PRKDC: variants seen among roughly 807,000 people sequenced by gnomAD.
PRKDC encodes protein kinase, DNA-activated, catalytic subunit, also known as DNA-dependent protein kinase catalytic subunit.
In PRKDC, 82 loss-of-function variants were observed where a neutral mutation model predicts 486.9. That is an observed-to-expected ratio of 0.17 (90% confidence interval 0.14 to 0.20). The LOEUF (loss-of-function observed/expected upper bound fraction) is 0.20. Ranked by LOEUF, PRKDC falls within the 10% of genes least tolerant of loss-of-function variation. The pLI is 1.00. For synonymous variants in PRKDC, 1,895 were observed against 1,837.0 expected (o/e 1.03, Z -0.81); for missense variants, 4,504 against 5,038.2 (o/e 0.89, Z 3.21).
At chr8:47,891,512 A>G (rs2089456031) in intron 31 of PRKDC, among the ~76,000 whole-genome samples, 1 of 152,108 alleles carries the variant, frequency 6.6e-6, no homozygotes, top group East Asian at 1.9e-4. Flanking sequence ...CGAGGTCAGG[A>G]GATCGAGACC....
rs754729814 is a variant in PRKDC, at chr8:47,953,852, A to G, written c.576T>C (p.Asn192=). 12 of 1,569,882 alleles carry G rather than the reference A, an allele frequency of 7.6e-6. No individual in the cohort carries two copies. The highest frequency in any genetic ancestry group is 9.5e-6 in the Non-Finnish European group (11 of 1,155,328). The change falls in exon 6 of 86, where the codon AAT becomes AAC. Residue 192 remains asparagine (N), a synonymous_variant. Coordinates refer to ENST00000314191, the MANE Select transcript of PRKDC (RefSeq NM_006904.7). ...GAAAAGCGCGGAACAGGTTTTCTGCATTATTTATCATCTCACTAGGATGAA... is the reference window on the plus strand; with the variant it reads ...GAAAAGCGCGGAACAGGTTTTCTGCGTTATTTATCATCTCACTAGGATGAA... ...GEVHPSEMIN[N]AENLFRAFLG...
At chr8:47,893,972 C>T (rs1230034390) in intron 30 of PRKDC, among the ~76,000 whole-genome samples, 1 of 152,152 alleles carries the variant, frequency 6.6e-6, no homozygotes, top group Non-Finnish European at 1.5e-5. Context: ...AAACATGTAT[C>T]TCTGATGTAT....
At chr8:47,786,723 C>CTTTTTTTTTTTTTTTTTTTTTTTTTTTTT (rs5891257) in intron 76 of PRKDC, among the ~76,000 whole-genome samples, 2 of 88,248 alleles carry the variant, frequency 2.3e-5, no homozygotes. Context: ...ATTATTTAAT[C>CTTTTTTTTTTTTTTTTTTTTTTTTTTTTT]TTTTTTTTTT....
At chr8:47,944,484 T>TAAAAAAAAAAAAAAAAAAAAAA (rs75220935) in intron 7 of PRKDC, among the ~76,000 whole-genome samples, 1 of 99,018 alleles carries the variant, frequency 1.0e-5, no homozygotes, top group Non-Finnish European at 2.4e-5. Flanking sequence ...AGAAAAAAAT[T>TAAAAAAAAAAAAAAAAAAAAAA]AAAAAAAAAA....
chr8:47,911,801 A>G (rs2089908977), intron 25 of PRKDC, among the ~76,000 whole-genome samples: 1 of 151,382 alleles, frequency 6.6e-6, no homozygotes, highest in Non-Finnish European at 1.5e-5. Context: ...AATGAGTCTC[A>G]CTCTGTCTCC....
At chr8:47,902,418 A>G in intron 27 of PRKDC, 151 bp downstream of exon 27, 1 of 550,606 alleles carries the variant, frequency 1.8e-6, no homozygotes, top group Non-Finnish European at 2.9e-6. Context: ...CTGAATTTTA[A>G]TTCACTTTTT....
chr8:47,874,849 G>T, intron 40 of PRKDC, among the ~76,000 whole-genome samples: 1 of 150,710 alleles, frequency 6.6e-6, no homozygotes, highest in East Asian at 2.0e-4. Flanking sequence ...GAGCCCAGGA[G>T]TTCAAGACCA....
intron 63 of PRKDC, among the ~76,000 whole-genome samples, chr8:47,825,650 C>T (rs922157452): frequency 1.3e-5 from 2 of 151,252 alleles, no homozygotes; most frequent in Non-Finnish European, 2.9e-5. Context: ...AAGTTGTTTG[C>T]TTCACTTACT....
At chr8:47,815,605 T>C (rs2087426406) in intron 68 of PRKDC, among the ~76,000 whole-genome samples, 1 of 152,184 alleles carries the variant, frequency 6.6e-6, no homozygotes, top group African/African-American at 2.4e-5. Context: ...TAAATAAAAT[T>C]TGAATCCCTG....
At chr8:47,775,286 C>T (rs539708512) in intron 85 of PRKDC, among the ~76,000 whole-genome samples, 9 of 150,638 alleles carry the variant, frequency 6.0e-5, no homozygotes, top group Middle Eastern at 3.5e-3. Context: ...TGACTAGTGA[C>T]GTTGAGCATT....
At chr8:47,797,173 C>A (rs1478921733) in intron 73 of PRKDC, among the ~76,000 whole-genome samples, 1 of 152,176 alleles carries the variant, frequency 6.6e-6, no homozygotes, top group African/African-American at 2.4e-5. Flanking sequence ...CTCATGTAAG[C>A]TCACGAGAGA....
intron 16 of PRKDC, 68 bp from the exon 17 acceptor site, chr8:47,930,855 C>T: frequency 7.0e-7 from 1 of 1,427,070 alleles, no homozygotes; most frequent in East Asian, 2.5e-5. Flanking sequence ...AAATAACTTT[C>T]CAACTGACTT....
intron 3 of PRKDC, among the ~76,000 whole-genome samples, chr8:47,956,644 A>G (rs944023324): frequency 6.6e-6 from 1 of 152,094 alleles, no homozygotes; most frequent in African/African-American, 2.4e-5. Flanking sequence ...TGGAGGCTGC[A>G]GTGAGCCATG....
chr8:47,892,601 G>C (rs1188815063), intron 31 of PRKDC, among the ~76,000 whole-genome samples: 3 of 152,164 alleles, frequency 2.0e-5, no homozygotes, highest in African/African-American at 7.2e-5. Flanking sequence ...AAAGTGCTGG[G>C]ATTACAGGAG....
At chr8:47,881,389 C>CA (rs777970057) in intron 38 of PRKDC, 27 bp downstream of exon 38, 238 of 1,284,558 alleles carry the variant, frequency 1.9e-4, no homozygotes, top group Non-Finnish European at 2.5e-4. Flanking sequence ...GAATGTAATC[C>CA]AAAAAAATAA....
At chr8:47,799,473 C>T (rs878876559) in intron 71 of PRKDC, 83 bp from the exon 72 acceptor site, 1 of 1,272,538 alleles carries the variant, frequency 7.9e-7, no homozygotes, top group Non-Finnish European at 1.0e-6. Context: ...ACTCATGACA[C>T]ATAAATGGAT....
chr8:47,931,666 A>G (rs939420268), intron 16 of PRKDC, among the ~76,000 whole-genome samples: 4 of 152,210 alleles, frequency 2.6e-5, no homozygotes, highest in African/African-American at 9.7e-5. Context: ...TTTCCTCTGC[A>G]CATCCTCCCC....
intron 1 of PRKDC, among the ~76,000 whole-genome samples, chr8:47,958,545 T>C (rs755669607): frequency 6.6e-5 from 10 of 152,286 alleles, no homozygotes; most frequent in Non-Finnish European, 1.2e-4. Context: ...AAAGGAGATA[T>C]GGCATAAATG....
In PRKDC at chr8:47,799,464, C is replaced by T. The variant is rs913494921; in HGVS notation, c.10117-74G>A. The T allele has an allele frequency of 4.5e-6, 6 of 1,347,858 alleles. No individual in the cohort carries two copies. In the Admixed American group the frequency reaches 1.3e-4, roughly 28 times the overall value. 83.5% of individuals were successfully genotyped at this position (1,347,858 alleles called of 1,614,324 possible). A position where few individuals can be genotyped will look rare whatever the true frequency, so the allele number is the denominator to read the frequency against. On this transcript the variant is annotated intron_variant, in intron 71 of 85. Transcript: ENST00000314191. ...AAAGAACTCTGCTTTCCATTTGTGA[C>T]TCATGACACATAAATGGATCAACAG...
Sources: gnomAD v4.1 joint callset for allele counts (sites outside exome capture counted in the v4.1 genomes callset) on GRCh38, gnomAD v4.1.1 for gene constraint, MANE v1.5 for transcripts, NCBI Gene and HGNC (gene_info 2026-07-23, HGNC 2026-07-21) for gene names.